Variants in UCK2 observed in about 807,000 individuals in gnomAD.
UCK2 encodes cytidine monophosphokinase 2.
Under a neutral mutation model 30.8 loss-of-function variants are expected in UCK2, and 6 were observed. The observed-to-expected ratio is 0.19, with a 90% confidence interval of 0.11 to 0.38. The LOEUF is 0.38. Among genes scored for constraint, UCK2 ranks in the 10% least tolerant of loss-of-function variants. The probability of loss-of-function intolerance (pLI) is 1.00; values close to 1 mark genes in which losing one functional copy is unlikely to be tolerated. For synonymous variants in UCK2, 125 were observed against 133.6 expected (o/e 0.94, Z 0.45); for missense variants, 210 against 339.8 (o/e 0.62, Z 3.00).
intron 1 of UCK2, among the ~76,000 whole-genome samples, chr1:165,869,942 G>A (rs1306180418): frequency 6.6e-6 from 1 of 152,038 alleles, no homozygotes; most frequent in Non-Finnish European, 1.5e-5. Context: ...TTGAGCCACT[G>A]TGCCTGGCAA....
chr1:165,888,750 T>C (rs537165785), intron 1 of UCK2, among the ~76,000 whole-genome samples: 4 of 150,278 alleles, frequency 2.7e-5, no homozygotes, highest in Admixed American at 6.7e-5. Flanking sequence ...CCCAAAGTTA[T>C]GGGATTACAG....
At chr1:165,845,234 G>C (rs1387172905) in intron 1 of UCK2, among the ~76,000 whole-genome samples, 1 of 152,168 alleles carries the variant, frequency 6.6e-6, no homozygotes, top group Admixed American at 6.5e-5. Context: ...TTGCTGGTGG[G>C]GAGAAATCGC....
intron 1 of UCK2, among the ~76,000 whole-genome samples, chr1:165,836,930 G>A (rs1654208358): frequency 6.6e-6 from 1 of 152,112 alleles, no homozygotes; most frequent in Admixed American, 6.5e-5. Context: ...GCTGTGTCAT[G>A]GTCATCCCGT....
intron 1 of UCK2, among the ~76,000 whole-genome samples, chr1:165,878,002 G>A (rs1003286892): frequency 3.9e-5 from 6 of 152,098 alleles, no homozygotes; most frequent in African/African-American, 1.4e-4. Flanking sequence ...CAAGTTAATA[G>A]TTGACATTAG....
chr1:165,830,752 G>T (rs192789960), intron 1 of UCK2, among the ~76,000 whole-genome samples: 2 of 152,298 alleles, frequency 1.3e-5, no homozygotes, highest in Admixed American at 1.3e-4. Flanking sequence ...AAAAGTCCAA[G>T]ACTGGGCCTG....
chr1:165,828,355 C>G (rs1361120885), intron 1 of UCK2, among the ~76,000 whole-genome samples: 1 of 152,202 alleles, frequency 6.6e-6, no homozygotes, highest in Non-Finnish European at 1.5e-5. Flanking sequence ...GACGTGCTCG[C>G]CCCGCGGCGC....
chr1:165,875,642 T>G (rs1422140046), intron 1 of UCK2, among the ~76,000 whole-genome samples: 1 of 152,168 alleles, frequency 6.6e-6, no homozygotes, highest in Admixed American at 6.5e-5. Context: ...TAACCCCCTC[T>G]TAGGGTTTGA....
At chr1:165,901,263 A>G (rs1647451812) in intron 4 of UCK2, among the ~76,000 whole-genome samples, 1 of 152,224 alleles carries the variant, frequency 6.6e-6, no homozygotes, top group Non-Finnish European at 1.5e-5. Flanking sequence ...CAGGTCTCCC[A>G]TGGAGAAAAC....
chr1:165,897,823 G>T (rs1276680938), intron 4 of UCK2, among the ~76,000 whole-genome samples: 2 of 152,174 alleles, frequency 1.3e-5, no homozygotes, highest in Non-Finnish European at 2.9e-5. Context: ...GCTCCCAGGT[G>T]GGGTGAGGGA....
intron 1 of UCK2, among the ~76,000 whole-genome samples, chr1:165,848,830 C>T (rs1654521374): frequency 6.6e-6 from 1 of 152,100 alleles, no homozygotes; most frequent in Non-Finnish European, 1.5e-5. Flanking sequence ...AGTTTCTACC[C>T]ATAGAAATAA....
chr1:165,897,390 T>C lies in UCK2; in HGVS notation c.499+1058T>C, dbSNP rs1257293955. 3.3e-5 allele frequency among the ~76,000 whole-genome samples: 5 copies of C among 151,680 alleles called. 1 individual carries two copies. The highest frequency in any genetic ancestry group is 7.4e-5 in the Non-Finnish European group (5 of 67,922). On this transcript the variant is annotated intron_variant, in intron 4 of 6. Transcript: ENST00000367879. Reference sequence around the variant, plus strand: ...GAGAGGCAGGGCTGTGGTCCTTAGATGGGTGGGAGAGGGAGCAGAGTTGAG... The same window carrying C: ...GAGAGGCAGGGCTGTGGTCCTTAGACGGGTGGGAGAGGGAGCAGAGTTGAG...
At chr1:165,841,563 C>G (rs903772383) in intron 1 of UCK2, among the ~76,000 whole-genome samples, 1 of 152,162 alleles carries the variant, frequency 6.6e-6, no homozygotes. Context: ...AAGAAAAGGT[C>G]CATGTCTTCG....
intron 1 of UCK2, among the ~76,000 whole-genome samples, chr1:165,878,167 C>G (rs1246603573): frequency 2.0e-5 from 3 of 152,168 alleles, no homozygotes; most frequent in East Asian, 3.8e-4. Context: ...CCCCTGGCAA[C>G]CACTGATCTT....
At chr1:165,849,804 C>T (rs1654543529) in intron 1 of UCK2, among the ~76,000 whole-genome samples, 2 of 152,066 alleles carry the variant, frequency 1.3e-5, no homozygotes, top group South Asian at 2.1e-4. Context: ...GAATGAGTAG[C>T]AGAGGGTTTT....
intron 1 of UCK2, among the ~76,000 whole-genome samples, chr1:165,880,561 T>TGTG (rs1557843865): frequency 1.2e-4 from 9 of 77,714 alleles, no homozygotes; most frequent in African/African-American, 3.6e-4. Flanking sequence ...TCAGTTTTTT[T>TGTG]TGGGGGTGTG....
At chr1:165,903,614 G>T (rs1162214034) in intron 5 of UCK2, among the ~76,000 whole-genome samples, 1 of 152,164 alleles carries the variant, frequency 6.6e-6, no homozygotes, top group Non-Finnish European at 1.5e-5. Context: ...TCCAAGGAGA[G>T]TCCTCAGCCA....
chr1:165,883,536 T>TA (rs1383593833), intron 1 of UCK2, among the ~76,000 whole-genome samples: 1 of 152,178 alleles, frequency 6.6e-6, no homozygotes, highest in Admixed American at 6.5e-5. Context: ...CAAAAGCTCT[T>TA]CAGTTATTTG....
intron 1 of UCK2, 56 bp downstream of exon 1, chr1:165,827,988 A>C: frequency 4.9e-6 from 6 of 1,221,134 alleles, no homozygotes; most frequent in Non-Finnish European, 6.2e-6. Flanking sequence ...TGGGCGGCGC[A>C]TGTGGCCGGC....
At chr1:165,832,096 C>T (rs1654063299) in intron 1 of UCK2, among the ~76,000 whole-genome samples, 1 of 152,176 alleles carries the variant, frequency 6.6e-6, no homozygotes, top group South Asian at 2.1e-4. Flanking sequence ...CAAATGCACA[C>T]AGACCATCTT....
Sources: gnomAD v4.1 joint callset for allele counts (sites outside exome capture counted in the v4.1 genomes callset) on GRCh38, gnomAD v4.1.1 for gene constraint, MANE v1.5 for transcripts, NCBI Gene and HGNC (gene_info 2026-07-23, HGNC 2026-07-21) for gene names.